CAPN13: variants seen among roughly 807,000 people sequenced by gnomAD.
The protein encoded by CAPN13 is calpain-13.
CAPN13 carries 90 observed loss-of-function variants against 98.4 expected under a neutral mutation model. That is an observed-to-expected ratio of 0.92 (90% CI 0.77 to 1.09). The LOEUF (loss-of-function observed/expected upper bound fraction) is 1.09, where lower values mean the gene tolerates loss of function less well. CAPN13 is among the 50% of genes least tolerant of loss of function. The pLI is 0.00. For missense variants in CAPN13, 887 were observed against 841.3 expected, an observed-to-expected ratio of 1.05 and a Z score of -0.67; for synonymous variants, 330 against 305.5, an observed-to-expected ratio of 1.08 and a Z score of -0.84.
At chr2:30,752,621 G>C (rs1237806788) in intron 10 of CAPN13, among the ~76,000 whole-genome samples, 3 of 152,222 alleles carry the variant, frequency 2.0e-5, no homozygotes, top group Non-Finnish European at 2.9e-5. Flanking sequence ...GAGTCTTGGG[G>C]AGGCTGAGGA....
intron 21 of CAPN13, 139 bp from the exon 22 acceptor site, chr2:30,730,925 G>C (rs1295980622): frequency 4.4e-6 from 3 of 682,406 alleles, no homozygotes; most frequent in Non-Finnish European, 5.4e-6. Context: ...ACCCAAGCAG[G>C]GTACGGGGCG....
In CAPN13 at chr2:30,796,241, C is replaced by CATAT. The variant is rs551265179; in HGVS notation, c.-32-8888_-32-8885dup. ...ATATATATGTATATATATATGTGTG[C>CATAT]ATATATATATACGTATATATATAGT... On this transcript the variant is annotated intron_variant, in intron 1 of 22. Coordinates refer to ENST00000295055, the MANE Select transcript of CAPN13 (RefSeq NM_144575.3). Among the ~76,000 whole-genome samples, 240 of 131,880 alleles carry CATAT rather than the reference C, an allele frequency of 1.8e-3. 1 individual carries two copies. Among genetic ancestry groups the CATAT allele is most frequent in the Non-Finnish European group, 2.6e-3 (172 of 66,040 alleles). The allele number at this position is 131,880 out of a possible 152,430, so 86.5% of individuals were successfully genotyped here.
rs1558315435 is a variant in CAPN13 at position 30,759,069 on chromosome 2, TCC to T, written c.775-934_775-933del. Among the ~76,000 whole-genome samples, 53 of 11,186 alleles carry T rather than the reference TCC, an allele frequency of 4.7e-3. 1 individual carries two copies. The highest frequency in any genetic ancestry group is 0.019 in the African/African-American group (47 of 2,458). 7.3% of individuals were successfully genotyped at this position (11,186 alleles called of 152,430 possible). ...TTCCTTCCTTCCCTCCCTCCCTCCCTCCTCCCTCCCTTCCTCTCTGCCTCCCT... is the reference window on the plus strand; with the variant it reads ...TTCCTTCCTTCCCTCCCTCCCTCCCTTCCCTCCCTTCCTCTCTGCCTCCCT... On this transcript the variant is annotated intron_variant, in intron 7 of 22. Coordinates refer to ENST00000295055, the MANE Select transcript of CAPN13 (RefSeq NM_144575.3).
In CAPN13 at chr2:30,751,849, T is replaced by C. The variant is rs182953167; in HGVS notation, c.1088-598A>G. ...GGAGGCGTAGAGGACCATCATAGCA[T>C]GGACGTGCTGCGAGGACTGGAGAAG... On this transcript the variant is annotated intron_variant, in intron 10 of 22. Coordinates refer to ENST00000295055, the MANE Select transcript of CAPN13 (RefSeq NM_144575.3). Among the ~76,000 whole-genome samples, 633 of 152,324 alleles carry C rather than the reference T, an allele frequency of 4.2e-3. 10 individuals are homozygous for C. The highest frequency in any genetic ancestry group is 2.4e-3 in the Non-Finnish European group (164 of 68,020).
Position 30,770,453 on chromosome 2 carries a change from G to A in CAPN13, c.388-4C>T. The A allele has an allele frequency of 6.2e-7, 1 of 1,613,726 alleles. No homozygotes were observed. The highest frequency in any genetic ancestry group is 8.5e-7 in the Non-Finnish European group (1 of 1,179,692). On this transcript the variant is annotated splice_region_variant and splice_polypyrimidine_tract_variant and intron_variant, in intron 4 of 22. Transcript: ENST00000295055. ...CCCACTGGCCACATTGCCAGAACTG[G>A]AAGAGAGCCAAGCATATGCTTTGAC...
At chr2:30,747,352 A>G (rs1426363497) in intron 11 of CAPN13, among the ~76,000 whole-genome samples, 1 of 152,142 alleles carries the variant, frequency 6.6e-6, no homozygotes, top group Admixed American at 6.5e-5. Flanking sequence ...AAGCCCTGTC[A>G]CCACCAGGTG....
intron 7 of CAPN13, among the ~76,000 whole-genome samples, chr2:30,758,535 C>T (rs181080627): frequency 4.6e-5 from 7 of 152,184 alleles, no homozygotes; most frequent in African/African-American, 9.7e-5. Context: ...GTTCCACAGA[C>T]GCAGCCTGAT....
chr2:30,768,897 T>C (rs1673244281), intron 5 of CAPN13, among the ~76,000 whole-genome samples: 1 of 152,072 alleles, frequency 6.6e-6, no homozygotes, highest in Admixed American at 6.5e-5. Context: ...AGCTGGAGAA[T>C]GCCAAGTGTT....
intron 3 of CAPN13, 45 bp downstream of exon 3, chr2:30,777,522 A>C: frequency 6.7e-7 from 1 of 1,503,424 alleles, no homozygotes; most frequent in Non-Finnish European, 9.1e-7. Flanking sequence ...ACCACCCTCC[A>C]CCACTTCCTA....
chr2:30,730,926 G>T (rs1399153382), intron 21 of CAPN13, 140 bp from the exon 22 acceptor site: 1 of 683,962 alleles, frequency 1.5e-6, no homozygotes, highest in Non-Finnish European at 2.7e-6. Flanking sequence ...CCCAAGCAGG[G>T]TACGGGGCGG....
At chr2:30,757,262 C>T (rs1672500389) in intron 8 of CAPN13, among the ~76,000 whole-genome samples, 1 of 152,252 alleles carries the variant, frequency 6.6e-6, no homozygotes, top group Non-Finnish European at 1.5e-5. Flanking sequence ...CCTGTTGCGG[C>T]CCCTCTGTCC....
intron 1 of CAPN13, among the ~76,000 whole-genome samples, chr2:30,796,231 T>TATA (rs1372726140): frequency 6.8e-6 from 1 of 148,062 alleles, no homozygotes; most frequent in Non-Finnish European, 1.5e-5. Context: ...TATGTATATA[T>TATA]ATATGTGTGC....
At chr2:30,736,336 T>G (rs2147955308) in intron 18 of CAPN13, among the ~76,000 whole-genome samples, 167 bp downstream of exon 18, 1 of 152,306 alleles carries the variant, frequency 6.6e-6, no homozygotes, top group East Asian at 1.9e-4. Flanking sequence ...TTGTGCCTTT[T>G]GGAGTTGCAC....
rs1473957302 is a variant in CAPN13 at position 30,753,041 on chromosome 2, C to T, written c.1087+12G>A. On this transcript the variant is annotated intron_variant, in intron 10 of 22. Transcript: ENST00000295055. ...TCCAGTTGGGCAGTGTGACCACCAG[C>T]GTCATGATTACCTGCAGTGTTTCCT... 12 of 1,613,382 alleles carry T rather than the reference C, an allele frequency of 7.4e-6. No individual in the cohort carries two copies. The highest frequency in any genetic ancestry group is 1.1e-5 in the South Asian group (1 of 91,034).
chr2:30,792,216 C>T (rs147900985), intron 1 of CAPN13, among the ~76,000 whole-genome samples: 11 of 151,958 alleles, frequency 7.2e-5, no homozygotes, highest in African/African-American at 2.7e-4. Context: ...CGGATAAGAG[C>T]AGAAATTAAT....
chr2:30,736,344 C>T (rs925069100), intron 18 of CAPN13, among the ~76,000 whole-genome samples, 159 bp downstream of exon 18: 1 of 152,178 alleles, frequency 6.6e-6, no homozygotes, highest in Admixed American at 6.5e-5. Flanking sequence ...TTTGGAGTTG[C>T]ACTATGTCTC....
chr2:30,740,098 T>G (rs943802788), intron 15 of CAPN13, among the ~76,000 whole-genome samples: 15 of 148,398 alleles, frequency 1.0e-4, no homozygotes, highest in South Asian at 6.6e-4. Context: ...TTTTTTTTTT[T>G]TTTTTTTTTT....
chr2:30,792,890 T>C lies in CAPN13; in HGVS notation c.-32-5533A>G, dbSNP rs114873958. Among the ~76,000 whole-genome samples the C allele has an allele frequency of 7.2e-3, 1,095 of 152,064 alleles. 12 individuals are homozygous for C. The highest frequency in any genetic ancestry group is 0.024 in the African/African-American group (978 of 41,540). On this transcript the variant is annotated intron_variant, in intron 1 of 22. Transcript: ENST00000295055. ...TACCACATCATAAGTTGGGTTTATTTCAGGAATGTTAGGTTGATTTATATT... is the reference window on the plus strand; with the variant it reads ...TACCACATCATAAGTTGGGTTTATTCCAGGAATGTTAGGTTGATTTATATT...
Position 30,742,347 on chromosome 2 carries a change from G to T in CAPN13, c.1458C>A (p.Ser486Arg), listed in dbSNP as rs765952749. 9 of 1,604,422 alleles carry T rather than the reference G, an allele frequency of 5.6e-6. No individual in the cohort carries two copies. Among genetic ancestry groups the T allele is most frequent in the Middle Eastern group, 1.6e-4 (1 of 6,080 alleles). ...KMPDSDRHLS[S>R]HFNLRMKGSP... The stretch of plus-strand genomic sequence containing the variant: ...CTACCTTCATTCTGAGGTTGAAATG[G>T]CTGCTCAGGTGCCTAGAAAATCAGA... Residue 486 changes from serine to arginine, a missense_variant, in exon 14 of 23, where the codon AGC becomes AGA. Coordinates refer to ENST00000295055, the MANE Select transcript of CAPN13 (RefSeq NM_144575.3).
Sources: allele counts gnomAD v4.1 joint callset (sites outside exome capture counted in the v4.1 genomes callset), GRCh38; gene constraint gnomAD v4.1.1; transcripts MANE v1.5; gene names NCBI Gene and HGNC (gene_info 2026-07-23, HGNC 2026-07-21).